The following FAT1 variants were observed in gnomAD, a reference collection of about 807,000 sequenced individuals.
The protein encoded by FAT1 is protocadherin Fat 1.
A neutral mutation model predicts 329.8 loss-of-function variants in FAT1; 171 were observed. The ratio of observed to expected loss-of-function variants is 0.52; its 90% CI spans 0.46 to 0.59. The LOEUF is 0.59. Among genes scored for constraint, FAT1 ranks in the 20% least tolerant of loss-of-function variants. The pLI is 0.00. For synonymous variants in FAT1, 2,233 were observed against 2,228.6 expected (o/e 1.00, Z -0.06); for missense variants, 5,672 against 5,774.4 (o/e 0.98, Z 0.57).
chr4:186,658,144 A>C (rs142013631), intron 3 of FAT1, among the ~76,000 whole-genome samples: 62 of 152,350 alleles, frequency 4.1e-4, no homozygotes, highest in Non-Finnish European at 6.8e-4. Context: ...AATGTTATAA[A>C]AATTAGCAAT....
intron 2 of FAT1, among the ~76,000 whole-genome samples, chr4:186,681,332 C>A (rs901549155): frequency 4.6e-5 from 7 of 152,106 alleles, no homozygotes; most frequent in African/African-American, 1.7e-4. Context: ...GGTATTTAAT[C>A]TATTGAATCT....
At chr4:186,640,001 G>T (rs1216055855) in intron 3 of FAT1, among the ~76,000 whole-genome samples, 10 of 152,282 alleles carry the variant, frequency 6.6e-5, no homozygotes, top group Non-Finnish European at 1.5e-4. Flanking sequence ...AGGCATGGTG[G>T]CGCGTGACTG....
At position 186,709,856 on chromosome 4, in the gene FAT1, A is replaced by G. The variant is rs2126707159; in HGVS notation, c.-18-11T>C. 6.4e-7 allele frequency: 1 copy of G among 1,565,228 alleles called. No homozygotes were observed. Among genetic ancestry groups the G allele is most frequent in the African/African-American group, 1.3e-5 (1 of 74,104 alleles). ...TTAACTGTCGGGAATCTGAAACAGA[A>G]GAAATCAGAATCGTTACCTTGGGGA... is the stretch of plus-strand genomic sequence containing the variant. On this transcript the variant is annotated splice_polypyrimidine_tract_variant and intron_variant, in intron 1 of 26. Coordinates refer to ENST00000441802, the MANE Select transcript of FAT1 (RefSeq NM_005245.4).
chr4:186,657,061 C>T (rs372691313), intron 3 of FAT1, among the ~76,000 whole-genome samples: 2 of 152,050 alleles, frequency 1.3e-5, no homozygotes, highest in Admixed American at 1.3e-4. Flanking sequence ...CTGAGAGAAA[C>T]AGATGAGGGG....
chr4:186,662,958 T>C (rs1742252247), intron 3 of FAT1, among the ~76,000 whole-genome samples: 2 of 151,980 alleles, frequency 1.3e-5, no homozygotes, highest in South Asian at 4.1e-4. Flanking sequence ...TGCCTCAGCC[T>C]CTGGAGTAGC....
At position 186,588,391 on chromosome 4, in the gene FAT1, G is replaced by A. The variant is rs76191145; in HGVS notation, c.*201C>T. ...TAAATCCCAAAAGACGTTGGGAAAT[G>A]GCACAGCCGATGAAAACCTCACGAT... On this transcript the variant is annotated 3_prime_UTR_variant, in exon 27 of 27. Transcript: ENST00000441802. The A allele has an allele frequency of 1.0e-5, 6 of 587,960 alleles. No individual in the cohort carries two copies. Among genetic ancestry groups the A allele is most frequent in the Non-Finnish European group, 1.4e-5 (5 of 348,514 alleles). The allele number at this position is 587,960 out of a possible 1,614,324, so 36.4% of individuals were successfully genotyped here.
Position 186,588,827 on chromosome 4 carries a change from G to A in FAT1, c.13532C>T (p.Thr4511Ile), listed in dbSNP as rs764820968. 1 of 1,614,002 alleles carries A rather than the reference G, an allele frequency of 6.2e-7. No homozygotes were observed. The highest frequency in any genetic ancestry group is 2.2e-5 in the East Asian group (1 of 44,878). The change falls in exon 27 of 27, where the codon ACT becomes ATT. Residue 4511 changes from threonine (T) to isoleucine (I), a missense_variant. By Grantham distance (89) the Thr-to-Ile change is moderately conservative. This residue lies in a region of FAT1 where 1,706 missense variants were observed against 1,859.1 expected (regional missense o/e 0.92). Coordinates refer to ENST00000441802, the MANE Select transcript of FAT1 (RefSeq NM_005245.4). ...PQTKGTGENS[T>I]CREPHAPYPP... ...GTAAGGGGCATGGGGTTCTCTACAA[G>A]TACTATTCTCACCAGTGCCTTTTGT...
chr4:186,709,683 C>A lies in FAT1; in HGVS notation c.145G>T (p.Ala49Ser), dbSNP rs2126705975. 6.2e-7 allele frequency: 1 copy of A among 1,614,002 alleles called. No homozygotes were observed. The highest frequency in any genetic ancestry group is 8.5e-7 in the Non-Finnish European group (1 of 1,179,894). ...YNVTVQENSA[A>S]KTYVGHPVKM... ...ACAGGATGCCCCACATAAGTCTTAG[C>A]TGCAGAGTTCTCCTGCACGGTGACG... The change falls in exon 2 of 27, where the codon GCT becomes TCT. Residue 49 changes from alanine (A) to serine (S), a missense_variant. Coordinates refer to ENST00000441802, the MANE Select transcript of FAT1 (RefSeq NM_005245.4).
At chr4:186,701,500 A>AT (rs1035397502) in intron 2 of FAT1, among the ~76,000 whole-genome samples, 3 of 152,102 alleles carry the variant, frequency 2.0e-5, no homozygotes, top group African/African-American at 4.8e-5. Context: ...TCACCAGCAC[A>AT]TTTTTTAACT....
Position 186,588,603 on chromosome 4 carries a change from T to A in FAT1, c.13756A>T (p.Thr4586Ser), listed in dbSNP as rs2126346574. ...GGGGGAGTTGAGAGTCAGACTTCCG[T>A]GTGCTGCTGGGAATCCAGGGGCGGG... is the stretch of plus-strand genomic sequence containing the variant. ...TIPPLDSQQHTEV is the reference protein window; with the variant it reads ...TIPPLDSQQHSEV Residue 4586 changes from threonine to serine, a missense_variant, in exon 27 of 27, where the codon ACG (threonine) becomes TCG (serine). Physicochemically the swap from Thr to Ser is moderately conservative, Grantham distance 58 (BLOSUM62 1). Coordinates refer to ENST00000441802, the MANE Select transcript of FAT1 (RefSeq NM_005245.4). 1.2e-6 allele frequency: 2 copies of A among 1,610,956 alleles called. No homozygotes were observed. Among genetic ancestry groups the A allele is most frequent in the Non-Finnish European group, 8.5e-7 (1 of 1,178,462 alleles).
At chr4:186,592,506 A>G (rs1560914009) in intron 26 of FAT1, among the ~76,000 whole-genome samples, 1 of 152,252 alleles carries the variant, frequency 6.6e-6, no homozygotes, top group African/African-American at 2.4e-5. Flanking sequence ...CAAAGACATA[A>G]CATACATTGA....
At position 186,708,321 on chromosome 4, in the gene FAT1, C is replaced by A. The variant is rs765412973; in HGVS notation, c.1507G>T (p.Ala503Ser). 1 of 1,613,930 alleles carries A rather than the reference C, an allele frequency of 6.2e-7. No homozygotes were observed. Among genetic ancestry groups the A allele is most frequent in the African/African-American group, 1.3e-5 (1 of 75,020 alleles). ...GCAAACGGCACATGATTTAAATTTG[C>A]GATACTGTATGTCACGTACCCGTTC... ...GENGYVTYSI[A>S]NLNHVPFAID... The change falls in exon 2 of 27, where the codon GCA (alanine) becomes TCA (serine). Residue 503 changes from alanine to serine, a missense_variant. This residue lies in a region of FAT1 where 3,966 missense variants were observed against 3,915.2 expected (regional missense o/e 1.01). Transcript: ENST00000441802.
At chr4:186,605,756 G>A (rs1333006135) in intron 17 of FAT1, among the ~76,000 whole-genome samples, 1 of 150,120 alleles carries the variant, frequency 6.7e-6, no homozygotes, top group Non-Finnish European at 1.5e-5. Context: ...AAGAGCAAGA[G>A]GGAAGAGGAA....
chr4:186,627,982 A>AC (rs1432884007), intron 9 of FAT1, among the ~76,000 whole-genome samples, 172 bp downstream of exon 9: 5 of 104,256 alleles, frequency 4.8e-5, no homozygotes, highest in African/African-American at 1.9e-4. Context: ...GCTAAAAGTT[A>AC]AAAAAAAAAA....
rs372757271 is a variant in FAT1, at chr4:186,589,174, C to A, written c.13185G>T (p.Pro4395=). 6.2e-7 allele frequency: 1 copy of A among 1,613,534 alleles called. No homozygotes were observed. Among genetic ancestry groups the A allele is most frequent in the Non-Finnish European group, 8.5e-7 (1 of 1,179,780 alleles). Residue 4395 remains proline, a synonymous_variant, in exon 27 of 27, where the codon CCG becomes CCT. Transcript: ENST00000441802. ...TSDWMPSVPL[P]DIQEFPNYEV... is the part of the protein sequence containing the mutation. The stretch of plus-strand genomic sequence containing the variant: ...CATAGTTGGGGAACTCTTGTATGTC[C>A]GGCAGAGGAACGCTTGGCATCCAAT...
At chr4:186,651,517 T>C (rs1335163819) in intron 3 of FAT1, among the ~76,000 whole-genome samples, 1 of 152,160 alleles carries the variant, frequency 6.6e-6, no homozygotes. Flanking sequence ...TTAAAAATCT[T>C]TCATGAGTAT....
Position 186,708,227 on chromosome 4 carries a change from T to C in FAT1, c.1601A>G (p.Tyr534Cys), listed in dbSNP as rs1744745256. ...GTCTGATGCACGAATCCTCAGAGTA[T>C]AAACCCGAGGCATCAGTTCGTAGTC... ...NLDYELMPRV[Y>C]TLRIRASDWG... Residue 534 changes from tyrosine to cysteine, a missense_variant, in exon 2 of 27, where the codon TAT becomes TGT. Tyr to Cys is a radical substitution (Grantham distance 194). Around this residue, in one of 2 missense-constraint regions of FAT1, gnomAD observed 3,966 missense variants for 3,915.2 expected, o/e 1.01. Transcript: ENST00000441802. 1.2e-6 allele frequency: 2 copies of C among 1,613,868 alleles called. No homozygotes were observed.
intron 2 of FAT1, among the ~76,000 whole-genome samples, chr4:186,682,420 G>A (rs1743259628): frequency 1.3e-5 from 2 of 151,742 alleles, no homozygotes; most frequent in South Asian, 2.1e-4. Flanking sequence ...CCAGCTACTC[G>A]GGAGGCTGAG....
intron 16 of FAT1, 48 bp from the exon 17 acceptor site, chr4:186,606,261 A>ATC (rs1326369840): frequency 6.2e-7 from 1 of 1,603,526 alleles, no homozygotes; most frequent in Admixed American, 1.7e-5. Context: ...CAAGGCCGAC[A>ATC]GAGCTCCAAT....
Sources: allele counts gnomAD v4.1 joint callset (sites outside exome capture counted in the v4.1 genomes callset), GRCh38; gene constraint gnomAD v4.1.1; regional missense constraint gnomAD v4.1.1; transcripts MANE v1.5; gene names NCBI Gene and HGNC (gene_info 2026-07-23, HGNC 2026-07-21).